Variants in FN1 observed in about 807,000 individuals in gnomAD.
FN1 encodes the protein fibronectin 1.
In FN1, 106 loss-of-function variants were observed where a neutral mutation model predicts 297.3. The ratio of observed to expected loss-of-function variants is 0.36; its 90% CI spans 0.30 to 0.42. FN1 has a LOEUF of 0.42. FN1 is among the 10% of genes least tolerant of loss of function. The probability of loss-of-function intolerance (pLI) is 1.00; values close to 1 mark genes in which losing one functional copy is unlikely to be tolerated. For synonymous variants in FN1, 1,149 were observed against 1,152.6 expected, an observed-to-expected ratio of 1.00 and a Z score of 0.06; for missense variants, 2,690 against 3,124.9, an observed-to-expected ratio of 0.86 and a Z score of 3.32.
In FN1 at chr2:215,388,231, A is replaced by G; in HGVS notation, c.4323T>C (p.Leu1441=). The part of the protein sequence containing the change: ...SVYEQHESTP[L]RGRQKTGLDS... ...ACTCACCTGTTTTCTGTCTTCCTCT[A>G]AGAGGTGTGCTCTCATGTTGTTCGT... is the stretch of plus-strand genomic sequence containing the variant. Residue 1441 remains leucine, a synonymous_variant, in exon 27 of 46, where the codon CTT becomes CTC. Transcript: ENST00000354785. 1 of 1,613,678 alleles carries G rather than the reference A, an allele frequency of 6.2e-7. No individual in the cohort carries two copies. Among genetic ancestry groups the G allele is most frequent in the Non-Finnish European group, 8.5e-7 (1 of 1,179,552 alleles).
intron 26 of FN1, among the ~76,000 whole-genome samples, chr2:215,390,424 A>G (rs530057616): frequency 6.6e-6 from 1 of 152,274 alleles, no homozygotes; most frequent in African/African-American, 2.4e-5. Flanking sequence ...GGCTCAAGCA[A>G]TTGGCCCACC....
chr2:215,383,976 T>G, intron 30 of FN1, 44 bp downstream of exon 30: 2 of 1,587,146 alleles, frequency 1.3e-6, no homozygotes, highest in Non-Finnish European at 1.7e-6. Flanking sequence ...AAACAGTATC[T>G]GAATAAGTAA....
chr2:215,435,195 C>A (rs534312858), intron 1 of FN1, among the ~76,000 whole-genome samples: 2 of 152,244 alleles, frequency 1.3e-5, no homozygotes, highest in Middle Eastern at 3.4e-3. Flanking sequence ...GAGGTCTGAA[C>A]CAATTACATC....
chr2:215,426,045 T>C (rs930510651), intron 6 of FN1, among the ~76,000 whole-genome samples: 5 of 152,250 alleles, frequency 3.3e-5, no homozygotes, highest in African/African-American at 1.2e-4. Flanking sequence ...TCTGGATTAT[T>C]TGTGATTCTA....
intron 3 of FN1, among the ~76,000 whole-genome samples, chr2:215,432,742 A>G (rs1349278774): frequency 1.3e-5 from 2 of 152,142 alleles, no homozygotes; most frequent in East Asian, 3.9e-4. Context: ...GTTGAGAATC[A>G]GCCCGGTTCC....
At chr2:215,366,613 A>C (rs2054663172) in intron 42 of FN1, among the ~76,000 whole-genome samples, 1 of 152,222 alleles carries the variant, frequency 6.6e-6, no homozygotes, top group African/African-American at 2.4e-5. Flanking sequence ...TTATACAACA[A>C]AACACACCTC....
At chr2:215,427,889 G>T (rs1208654831) in intron 6 of FN1, among the ~76,000 whole-genome samples, 1 of 148,406 alleles carries the variant, frequency 6.7e-6, no homozygotes, top group East Asian at 1.9e-4. Context: ...ATCTATCCAT[G>T]GTAAGTTTTA....
intron 26 of FN1, among the ~76,000 whole-genome samples, chr2:215,389,790 A>AAAAAC (rs147568318): frequency 1.1e-4 from 16 of 151,278 alleles, no homozygotes; most frequent in African/African-American, 2.7e-4. Context: ...ACTCCGTCTC[A>AAAAAC]AAAACAAAAC....
Position 215,407,138 on chromosome 2 carries a change from G to T in FN1, c.2702C>A (p.Thr901Asn), listed in dbSNP as rs780997234. 1 of 1,613,622 alleles carries T rather than the reference G, an allele frequency of 6.2e-7. No homozygotes were observed. Among genetic ancestry groups the T allele is most frequent in the East Asian group, 2.2e-5 (1 of 44,880 alleles). ...CTTAAAAAAGTTACCTGAGCGTGGG[G>T]TGCCAGTGGTTTCTTGTTGAATGAC... The part of the protein sequence containing the change: ...PVVIQQETTG[T>N]PRSDTVPSPR... Residue 901 changes from threonine to asparagine, a missense_variant, in exon 18 of 46, where the codon ACC becomes AAC. Physicochemically the swap from Thr to Asn is moderately conservative, Grantham distance 65. Transcript: ENST00000354785.
intron 26 of FN1, among the ~76,000 whole-genome samples, chr2:215,388,845 T>C (rs923356615): frequency 6.6e-6 from 1 of 152,114 alleles, no homozygotes; most frequent in Non-Finnish European, 1.5e-5. Flanking sequence ...TTACTACAAT[T>C]ATCTCCATTT....
chr2:215,434,170 G>A (rs1189210431), intron 2 of FN1, among the ~76,000 whole-genome samples: 1 of 151,972 alleles, frequency 6.6e-6, no homozygotes, highest in East Asian at 1.9e-4. Flanking sequence ...CTTGACAGTT[G>A]TTAATCCTAT....
At chr2:215,424,407 G>A (rs1312634708) in intron 7 of FN1, 82 bp from the exon 8 acceptor site, 10 of 1,154,534 alleles carry the variant, frequency 8.7e-6, no homozygotes, top group Non-Finnish European at 3.9e-6. Flanking sequence ...GCTTCAATGA[G>A]ATACTGAGCT....
chr2:215,409,420 C>T (rs796549635), intron 15 of FN1, 143 bp downstream of exon 15: 11 of 799,538 alleles, frequency 1.4e-5, no homozygotes, highest in African/African-American at 1.3e-4. Context: ...TTCCCTTCCT[C>T]ATGCCAGAGG....
rs7596677 is a variant in FN1, at chr2:215,408,184, A to G, written c.2442T>C (p.Pro814=). Residue 814 remains proline (P), a synonymous_variant, in exon 17 of 46, where the codon CCT becomes CCC. Transcript: ENST00000354785. ...CAACTTGGTCCACAGTCGTGTCAGG[A>G]GGGGCATCAGGCGCTAAGAAAGAAA... The part of the protein sequence containing the change: ...STSQTTAPDA[P]PDTTVDQVDD... 5 of 1,613,712 alleles carry G rather than the reference A, an allele frequency of 3.1e-6. No homozygotes were observed. The highest frequency in any genetic ancestry group is 4.2e-6 in the Non-Finnish European group (5 of 1,179,884).
chr2:215,427,581 T>C (rs1029441655), intron 6 of FN1, among the ~76,000 whole-genome samples: 10 of 152,224 alleles, frequency 6.6e-5, no homozygotes, highest in Non-Finnish European at 1.3e-4. Flanking sequence ...TCTGAATTTC[T>C]AAAATTTCGA....
Position 215,420,792 on chromosome 2 carries a change from A to G in FN1, c.1556T>C (p.Ile519Thr). 6.2e-7 allele frequency: 1 copy of G among 1,614,086 alleles called. No individual in the cohort carries two copies. The highest frequency in any genetic ancestry group is 8.5e-7 in the Non-Finnish European group (1 of 1,179,916). The change falls in exon 11 of 46, where the codon ATT (isoleucine) becomes ACT (threonine). Residue 519 changes from isoleucine (I) to threonine (T), a missense_variant. Physicochemically the swap from Ile to Thr is moderately conservative, Grantham distance 89 (BLOSUM62 -1). Around this residue, in one of 3 missense-constraint regions of FN1, gnomAD observed 876 missense variants for 1,058.1 expected, o/e 0.83. Transcript: ENST00000354785. ...CACATTGTAAGTGATGTCATCAACA[A>G]TGCACTGATCTGTTTAGGAAACAGG... The part of the protein sequence containing the change: ...IAYSQLRDQC[I>T]VDDITYNVND...
intron 34 of FN1, 123 bp downstream of exon 34, chr2:215,379,007 A>T (rs2057785468): frequency 1.1e-6 from 1 of 940,602 alleles, no homozygotes; most frequent in Non-Finnish European, 1.7e-6. Flanking sequence ...AATTACAATA[A>T]GATTATTTGA....
Position 215,397,688 on chromosome 2 carries a change from A to G in FN1, c.3509T>C (p.Val1170Ala). The G allele has an allele frequency of 5.6e-6, 9 of 1,614,014 alleles. No individual in the cohort carries two copies. Among genetic ancestry groups the G allele is most frequent in the Non-Finnish European group, 7.6e-6 (9 of 1,179,872 alleles). ...QERDAPIVNK[V>A]VTPLSPPTNL... is the part of the protein sequence containing the mutation. The stretch of plus-strand genomic sequence containing the variant: ...GAAAAAATTCTTCTTACGTGTCACC[A>G]CTTTGTTTACAATTGGCGCATCTCT... The change falls in exon 22 of 46, where the codon GTG becomes GCG. Residue 1170 changes from valine (V) to alanine (A), a missense_variant. Transcript: ENST00000354785.
intron 26 of FN1, among the ~76,000 whole-genome samples, chr2:215,388,971 C>A (rs1055673091): frequency 2.0e-5 from 3 of 152,088 alleles, no homozygotes; most frequent in African/African-American, 7.2e-5. Context: ...GACTAGTGGT[C>A]TTAATAATTA....
Sources: gnomAD v4.1 joint callset for allele counts (sites outside exome capture counted in the v4.1 genomes callset) on GRCh38, gnomAD v4.1.1 for gene constraint, gnomAD v4.1.1 regional missense constraint, MANE v1.5 for transcripts, NCBI Gene and HGNC (gene_info 2026-07-23, HGNC 2026-07-21) for gene names.